The following PCLO variants were observed in gnomAD, a reference collection of about 807,000 sequenced individuals.
PCLO encodes piccolo presynaptic cytomatrix protein.
In PCLO, 82 loss-of-function variants were observed where a neutral mutation model predicts 427.5. The ratio of observed to expected loss-of-function variants is 0.19; its 90% CI spans 0.16 to 0.23. The LOEUF is 0.23. PCLO is among the 10% of genes least tolerant of loss of function. The pLI is 1.00. For synonymous variants in PCLO, 2,357 were observed against 2,155.4 expected (o/e 1.09, Z -2.59); for missense variants, 6,239 against 6,115.9 (o/e 1.02, Z -0.67).
rs1793444381 is a variant in PCLO at position 82,879,285 on chromosome 7, A to G, written c.13654+52T>C. 4.4e-5 allele frequency: 63 copies of G among 1,442,486 alleles called. 1 individual carries two copies. The South Asian group carries it at 7.7e-4, about 18-fold the overall frequency. 89.4% of individuals were successfully genotyped at this position (1,442,486 alleles called of 1,614,324 possible). A position where few individuals can be genotyped will look rare whatever the true frequency, so the allele number is the denominator to read the frequency against. ...ACATTTGCATATTAAATTAAAATGT[A>G]TTTAATATGAGTGCATTCATTTTAT... On this transcript the variant is annotated intron_variant, in intron 10 of 24. Coordinates refer to ENST00000333891, the MANE Select transcript of PCLO (RefSeq NM_033026.6).
chr7:82,942,257 T>C (rs1795103855), intron 6 of PCLO, among the ~76,000 whole-genome samples: 1 of 152,222 alleles, frequency 6.6e-6, no homozygotes, highest in African/African-American at 2.4e-5. Context: ...GTGCTGTGGT[T>C]TTAAACTGCT....
intron 10 of PCLO, among the ~76,000 whole-genome samples, chr7:82,854,381 T>C (rs1584052991): frequency 1.3e-5 from 2 of 152,240 alleles, no homozygotes; most frequent in East Asian, 3.9e-4. Context: ...AAATGCAAAA[T>C]ACCAAAATTT....
At chr7:82,890,969 T>G (rs1793748839) in intron 9 of PCLO, among the ~76,000 whole-genome samples, 1 of 152,124 alleles carries the variant, frequency 6.6e-6, no homozygotes, top group Admixed American at 6.6e-5. Flanking sequence ...TTTCTTTGGA[T>G]TTTTGCATAT....
Position 82,954,698 on chromosome 7 carries a change from G to A in PCLO, c.6255C>T (p.Ala2085=). Reference sequence around the variant, plus strand: ...ACTCTGTCATATCCTCACCAATGGGGGCCTGGGTTGGGCTAGATCCAGGTG... The same window carrying A: ...ACTCTGTCATATCCTCACCAATGGGAGCCTGGGTTGGGCTAGATCCAGGTG... ...QLTPGSSPTQ[A]PIGEDMTEST... Residue 2085 remains alanine (A), a synonymous_variant, in exon 5 of 25, where the codon GCC becomes GCT. Transcript: ENST00000333891. 1 of 1,613,840 alleles carries A rather than the reference G, an allele frequency of 6.2e-7. No individual in the cohort carries two copies. Among genetic ancestry groups the A allele is most frequent in the East Asian group, 2.2e-5 (1 of 44,862 alleles).
chr7:82,955,770 C>T lies in PCLO; in HGVS notation c.5183G>A (p.Gly1728Asp). Reference protein sequence around the residue: ...SSLHASSFTPGTSPTSVSSLD... With the variant: ...SSLHASSFTPDTSPTSVSSLD... ...TGATGATACTGATGTAGGGGATGTACCAGGAGTGAAGCTGGAAGCATGCAG... is the reference window on the plus strand; with the variant it reads ...TGATGATACTGATGTAGGGGATGTATCAGGAGTGAAGCTGGAAGCATGCAG... Residue 1728 changes from glycine (G) to aspartate (D), a missense_variant, in exon 5 of 25, where the codon GGT (glycine) becomes GAT (aspartate). Physicochemically the swap from Gly to Asp is moderately conservative, Grantham distance 94. This residue lies in a region of PCLO where 4,677 missense variants were observed against 4,468.4 expected (regional missense o/e 1.05). Coordinates refer to ENST00000333891, the MANE Select transcript of PCLO (RefSeq NM_033026.6). 6.2e-7 allele frequency: 1 copy of T among 1,613,918 alleles called. No individual in the cohort carries two copies. The highest frequency in any genetic ancestry group is 8.5e-7 in the Non-Finnish European group (1 of 1,179,868).
intron 16 of PCLO, 120 bp downstream of exon 16, chr7:82,835,547 C>G (rs1777255683): frequency 1.4e-6 from 1 of 709,076 alleles, no homozygotes; most frequent in African/African-American, 1.8e-5. Flanking sequence ...TAGATACAAA[C>G]ATGTAGAAAA....
At chr7:83,062,522 A>G (rs1283995198) in intron 3 of PCLO, among the ~76,000 whole-genome samples, 1 of 152,138 alleles carries the variant, frequency 6.6e-6, no homozygotes, top group Non-Finnish European at 1.5e-5. Flanking sequence ...ATCTAAGTAG[A>G]TTACTTAAAT....
chr7:83,068,492 A>C (rs973233624), intron 3 of PCLO, among the ~76,000 whole-genome samples: 2 of 152,146 alleles, frequency 1.3e-5, no homozygotes, highest in African/African-American at 4.8e-5. Flanking sequence ...TATTCTTCCA[A>C]AGAAGACATA....
intron 8 of PCLO, among the ~76,000 whole-genome samples, chr7:82,905,707 C>T (rs1361295130): frequency 4.0e-5 from 6 of 151,774 alleles, no homozygotes; most frequent in East Asian, 1.9e-4. Context: ...GTCCAAGGAG[C>T]GAAAACAGAA....
At chr7:82,863,136 T>G (rs1793006773) in intron 10 of PCLO, among the ~76,000 whole-genome samples, 1 of 152,032 alleles carries the variant, frequency 6.6e-6, no homozygotes, top group African/African-American at 2.4e-5. Context: ...ACCTACTATT[T>G]ATCCAAAAAA....
chr7:83,153,824 T>G (rs190498738), intron 2 of PCLO, among the ~76,000 whole-genome samples: 86 of 152,304 alleles, frequency 5.6e-4, no homozygotes, highest in Middle Eastern at 3.4e-3. Flanking sequence ...TATACCATCT[T>G]CACTGTTTTA....
chr7:82,853,106 T>C (rs1446703695), intron 10 of PCLO, among the ~76,000 whole-genome samples: 1 of 152,164 alleles, frequency 6.6e-6, no homozygotes, highest in African/African-American at 2.4e-5. Flanking sequence ...ACAATCTCTT[T>C]ACCCATTTAT....
intron 3 of PCLO, among the ~76,000 whole-genome samples, chr7:83,130,520 T>C (rs557608523): frequency 6.6e-6 from 1 of 152,348 alleles, no homozygotes; most frequent in East Asian, 1.9e-4. Flanking sequence ...ATGGTAGAAT[T>C]CTTTTATCCT....
chr7:83,005,711 C>T (rs917682834), intron 3 of PCLO, among the ~76,000 whole-genome samples: 1 of 151,558 alleles, frequency 6.6e-6, no homozygotes, highest in Non-Finnish European at 1.5e-5. Flanking sequence ...TCAGGTTGTA[C>T]ACCTTAAATA....
At chr7:83,043,922 T>C (rs1228383006) in intron 3 of PCLO, among the ~76,000 whole-genome samples, 1 of 139,000 alleles carries the variant, frequency 7.2e-6, no homozygotes, top group South Asian at 2.2e-4. Context: ...CTTTTTTTTT[T>C]TTTTTTTTTT....
At position 82,874,128 on chromosome 7, in the gene PCLO, C is replaced by T. The variant is rs114032939; in HGVS notation, c.13654+5209G>A. 2.6e-3 allele frequency among the ~76,000 whole-genome samples: 397 copies of T among 151,578 alleles called. 3 individuals carry two copies. Among genetic ancestry groups the T allele is most frequent in the African/African-American group, 8.9e-3 (366 of 41,324 alleles). On this transcript the variant is annotated intron_variant, in intron 10 of 24. Transcript: ENST00000333891. ...GTTTTATTTGCTTCACACAATCCTG[C>T]GAGGAGTGACATCTTAATAAGTATC... is the stretch of plus-strand genomic sequence containing the variant.
chr7:82,946,266 T>G (rs762281557), intron 6 of PCLO, among the ~76,000 whole-genome samples: 23 of 152,296 alleles, frequency 1.5e-4, no homozygotes, highest in Middle Eastern at 3.4e-3. Context: ...ATGATTATAA[T>G]CTTCCCTTTA....
chr7:83,050,463 C>T (rs932550503), intron 3 of PCLO, among the ~76,000 whole-genome samples: 25 of 151,708 alleles, frequency 1.6e-4, no homozygotes, highest in African/African-American at 5.8e-4. Context: ...ATCATTTATA[C>T]ACTGTTGACT....
At chr7:82,970,510 T>G (rs539905981) in intron 3 of PCLO, among the ~76,000 whole-genome samples, 1 of 152,056 alleles carries the variant, frequency 6.6e-6, no homozygotes, top group East Asian at 1.9e-4. Context: ...TGATAAATTA[T>G]AAGCCACAAA....
Sources: gnomAD v4.1 joint callset for allele counts (sites outside exome capture counted in the v4.1 genomes callset) on GRCh38, gnomAD v4.1.1 for gene constraint, gnomAD v4.1.1 regional missense constraint, MANE v1.5 for transcripts, NCBI Gene and HGNC (gene_info 2026-07-23, HGNC 2026-07-21) for gene names.